Variants in ZC3H12B observed in about 807,000 individuals in gnomAD.
The protein encoded by ZC3H12B is zinc finger CCCH-type containing 12B.
Under a neutral mutation model 43.9 loss-of-function variants are expected in ZC3H12B, and 7 were observed. The observed-to-expected ratio is 0.16, with a 90% CI of 0.09 to 0.30. ZC3H12B has a LOEUF of 0.30. Among genes scored for constraint, ZC3H12B ranks in the 10% least tolerant of loss-of-function variants. The probability of loss-of-function intolerance (pLI) is 1.00; values close to 1 mark genes in which losing one functional copy is unlikely to be tolerated. For missense variants in ZC3H12B, 475 were observed against 670.2 expected (o/e 0.71, Z 3.22); for synonymous variants, 222 against 241.7 (o/e 0.92, Z 0.76).
At chrX:65,136,995 C>T in the ZC3H12B span, among the ~76,000 whole-genome samples, 1 of 111,202 alleles carries the variant, frequency 9.0e-6, no homozygotes, top group African/African-American at 3.3e-5. Flanking sequence ...TTATAAATTC[C>T]TCTGGAAAAA....
chrX:65,089,834 T>C, the ZC3H12B span, among the ~76,000 whole-genome samples: 1 of 111,296 alleles, frequency 9.0e-6, no homozygotes, highest in African/African-American at 3.3e-5. Flanking sequence ...CTAGGCCTAT[T>C]CAGGATCAAG....
At chrX:65,273,615 T>C in the ZC3H12B span, among the ~76,000 whole-genome samples, 1 of 111,723 alleles carries the variant, frequency 9.0e-6, no homozygotes, top group Non-Finnish European at 1.9e-5. Flanking sequence ...GTGTCCGATA[T>C]GAGATGAACC....
At chrX:65,373,128 C>G (rs1242859748) in intron 2 of ZC3H12B, among the ~76,000 whole-genome samples, 1 of 112,275 alleles carries the variant, frequency 8.9e-6, no homozygotes. Context: ...ATTCACCCCA[C>G]AGTACGATTG....
At chrX:65,111,817 C>T in the ZC3H12B span, among the ~76,000 whole-genome samples, 1 of 110,796 alleles carries the variant, frequency 9.0e-6, no homozygotes, top group African/African-American at 3.3e-5. Flanking sequence ...ACTCCATGGA[C>T]TGGCCATTAA....
the ZC3H12B span, among the ~76,000 whole-genome samples, chrX:65,301,046 G>T: frequency 1.8e-5 from 2 of 108,511 alleles, no homozygotes; most frequent in Non-Finnish European, 3.8e-5. Flanking sequence ...ATTCTCAAAA[G>T]AAGATATACA....
chrX:65,316,704 A>G, the ZC3H12B span, among the ~76,000 whole-genome samples: 2 of 112,228 alleles, frequency 1.8e-5, no homozygotes, highest in African/African-American at 3.2e-5. Context: ...ACTTAATTAC[A>G]TAGACCATTG....
At chrX:65,245,658 A>G in the ZC3H12B span, among the ~76,000 whole-genome samples, 1 of 111,884 alleles carries the variant, frequency 8.9e-6, no homozygotes, top group South Asian at 3.7e-4. Context: ...ATGTTAAAAA[A>G]AATTCTCAAT....
the ZC3H12B span, among the ~76,000 whole-genome samples, chrX:65,256,519 C>T: frequency 6.3e-5 from 7 of 111,680 alleles, no homozygotes; most frequent in African/African-American, 2.3e-4. Flanking sequence ...ATACCAGAAT[C>T]TCTGGGACAC....
chrX:65,189,432 A>C, the ZC3H12B span, among the ~76,000 whole-genome samples: 1 of 99,210 alleles, frequency 1.0e-5, no homozygotes, highest in East Asian at 3.2e-4. Context: ...AAGTGTTCCT[A>C]TTTCTCCACA....
chrX:65,452,841 A>AACACACACACACACACACAC (rs111853414), intron 3 of ZC3H12B, among the ~76,000 whole-genome samples: 15 of 92,253 alleles, frequency 1.6e-4, no homozygotes, highest in African/African-American at 6.3e-4. Context: ...ACTCCATCTA[A>AACACACACACACACACACAC]ACACACACAC....
chrX:65,194,834 A>G, the ZC3H12B span, among the ~76,000 whole-genome samples: 1 of 112,061 alleles, frequency 8.9e-6, no homozygotes, highest in African/African-American at 3.2e-5. Context: ...ATTGCTTTAT[A>G]TATCTGGGTA....
chrX:65,448,253 C>T (rs1359698059), intron 3 of ZC3H12B, among the ~76,000 whole-genome samples: 1 of 110,270 alleles, frequency 9.1e-6, no homozygotes, highest in Non-Finnish European at 1.9e-5. Context: ...AAGATGTTGG[C>T]ATGGATGTGG....
chrX:65,157,007 G>GTCTTAC, the ZC3H12B span, among the ~76,000 whole-genome samples: 2 of 110,247 alleles, frequency 1.8e-5, no homozygotes, highest in Admixed American at 2.0e-4. Context: ...TTCAGACAGT[G>GTCTTAC]TCTTACTCTT....
the ZC3H12B span, among the ~76,000 whole-genome samples, chrX:65,044,463 T>C: frequency 2.7e-5 from 3 of 111,604 alleles, no homozygotes; most frequent in African/African-American, 6.5e-5. Flanking sequence ...TTCTATATGA[T>C]GGGAAGGCAT....
the ZC3H12B span, among the ~76,000 whole-genome samples, chrX:65,259,419 G>A: frequency 5.4e-5 from 6 of 111,667 alleles, no homozygotes; most frequent in African/African-American, 1.9e-4. Flanking sequence ...AACTCAAGAT[G>A]GATTAAAGAC....
the ZC3H12B span, among the ~76,000 whole-genome samples, chrX:65,217,868 G>A: frequency 4.1e-3 from 462 of 111,527 alleles, 2 homozygotes; most frequent in African/African-American, 0.013. Flanking sequence ...GAGAATGGAT[G>A]GGGGTAGAAA....
chrX:65,382,288 C>T (rs1392639511), intron 2 of ZC3H12B, among the ~76,000 whole-genome samples: 9 of 109,622 alleles, frequency 8.2e-5, no homozygotes, highest in Non-Finnish European at 1.7e-4. Context: ...GGATGCAAGG[C>T]TGGTTCAATA....
chrX:65,501,181 C>T (rs2068361622), intron 4 of ZC3H12B, among the ~76,000 whole-genome samples: 1 of 109,637 alleles, frequency 9.1e-6, no homozygotes, highest in African/African-American at 3.3e-5. Context: ...CTTCAGCATG[C>T]AGATTATGCC....
At chrX:65,058,999 G>T in the ZC3H12B span, among the ~76,000 whole-genome samples, 1 of 112,059 alleles carries the variant, frequency 8.9e-6, no homozygotes, top group South Asian at 3.8e-4. Flanking sequence ...CTAGGAAAGG[G>T]AATTCCCTGA....
Sources: allele counts gnomAD v4.1 joint callset (sites outside exome capture counted in the v4.1 genomes callset), GRCh38; gene constraint gnomAD v4.1.1; transcripts MANE v1.5; gene names NCBI Gene and HGNC (gene_info 2026-07-23, HGNC 2026-07-21).